NPNT: variants seen among roughly 807,000 people sequenced by gnomAD.
The protein encoded by NPNT is nephronectin, also known as preosteoblast EGF-like repeat protein with MAM domain.
Under a neutral mutation model 68.6 loss-of-function variants are expected in NPNT, and 45 were observed. The ratio of observed to expected loss-of-function variants is 0.66; its 90% CI spans 0.52 to 0.84. The LOEUF is 0.84. Among genes scored for constraint, NPNT ranks in the 40% least tolerant of loss-of-function variants. NPNT has a pLI of 0.00. For synonymous variants in NPNT, 233 were observed against 253.3 expected, an observed-to-expected ratio of 0.92 and a Z score of 0.76; for missense variants, 672 against 714.8, an observed-to-expected ratio of 0.94 and a Z score of 0.68.
chr4:105,958,888 C>T (rs2149401521), intron 9 of NPNT, 140 bp from the exon 10 acceptor site: 1 of 617,296 alleles, frequency 1.6e-6, no homozygotes, highest in Non-Finnish European at 2.9e-6. Context: ...ATGTAATTTC[C>T]CTTTGGTCTT....
In NPNT at chr4:105,895,542, G is replaced by C. The variant is rs571441739; in HGVS notation, c.-111G>C. 1 of 865,468 alleles carries C rather than the reference G, an allele frequency of 1.2e-6. No homozygotes were observed. The highest frequency in any genetic ancestry group is 1.8e-5 in the African/African-American group (1 of 56,152). 53.6% of individuals were successfully genotyped at this position (865,468 alleles called of 1,614,324 possible). ...GAGCGGCAGCAGTAGCCCGGGCGGCGAGGGCTGGGGGTTCCTCGAGACTCT... is the reference window on the plus strand; with the variant it reads ...GAGCGGCAGCAGTAGCCCGGGCGGCCAGGGCTGGGGGTTCCTCGAGACTCT... On this transcript the variant is annotated 5_prime_UTR_variant, in exon 1 of 12. Coordinates refer to ENST00000379987, the MANE Select transcript of NPNT (RefSeq NM_001033047.3).
intron 8 of NPNT, among the ~76,000 whole-genome samples, chr4:105,949,872 GA>G: frequency 6.6e-6 from 1 of 152,234 alleles, no homozygotes; most frequent in East Asian, 1.9e-4. Context: ...AAGTCTGAAA[GA>G]AAAAAGACCA....
In NPNT at chr4:105,930,320, A is replaced by T. The variant is rs556883264; in HGVS notation, c.265+2892A>T. Among the ~76,000 whole-genome samples the T allele has an allele frequency of 3.9e-4, 60 of 152,182 alleles. 1 individual carries two copies. The highest frequency in any genetic ancestry group is 2.5e-4 in the Non-Finnish European group (17 of 68,030). ...TTTCATCTAATGGTTCTTAGTCCTG[A>T]ACACTGTGGAAGCTTGAAAGGGTTC... On this transcript the variant is annotated intron_variant, in intron 3 of 11. Coordinates refer to ENST00000379987, the MANE Select transcript of NPNT (RefSeq NM_001033047.3).
chr4:105,897,267 T>A (rs1480597221), intron 1 of NPNT, among the ~76,000 whole-genome samples: 1 of 152,228 alleles, frequency 6.6e-6, no homozygotes, highest in Non-Finnish European at 1.5e-5. Flanking sequence ...TAAGCACGTT[T>A]CAAACCACAA....
At chr4:105,910,700 A>G (rs1727293290) in intron 2 of NPNT, among the ~76,000 whole-genome samples, 1 of 152,202 alleles carries the variant, frequency 6.6e-6, no homozygotes, top group South Asian at 2.1e-4. Context: ...AAATTAAAAA[A>G]TATAGGACAT....
intron 2 of NPNT, among the ~76,000 whole-genome samples, chr4:105,901,778 A>C (rs999962534): frequency 4.6e-5 from 7 of 152,190 alleles, no homozygotes; most frequent in African/African-American, 2.4e-5. Context: ...ACGTAAAGTG[A>C]AAATTTTGGA....
At chr4:105,919,569 A>G (rs1414742684) in intron 2 of NPNT, among the ~76,000 whole-genome samples, 1 of 152,138 alleles carries the variant, frequency 6.6e-6, no homozygotes, top group Admixed American at 6.6e-5. Flanking sequence ...TAATTGCTTT[A>G]AAACAATTCT....
rs1033123028 is a variant in NPNT, at chr4:105,971,131, C to T, written c.*2141C>T. 11 of 453,400 alleles carry T rather than the reference C, an allele frequency of 2.4e-5. No individual in the cohort carries two copies. The highest frequency in any genetic ancestry group is 1.9e-4 in the Admixed American group (8 of 42,406). The allele number at this position is 453,400 out of a possible 1,614,324, so 28.1% of individuals were successfully genotyped here. ...TTTTTAAGAGATCCTTCAAGGAACA[C>T]AGTTCAGAGAGATTTTCATCGGGTG... On this transcript the variant is annotated 3_prime_UTR_variant, in exon 12 of 12. Transcript: ENST00000379987.
intron 6 of NPNT, 125 bp downstream of exon 6, chr4:105,940,334 C>G: frequency 1.8e-6 from 2 of 1,101,118 alleles, no homozygotes; most frequent in Non-Finnish European, 2.7e-6. Context: ...AACCAACAGA[C>G]ATCCAGTTTA....
chr4:105,945,172 A>G (rs1730281068), intron 8 of NPNT, among the ~76,000 whole-genome samples: 1 of 35,462 alleles, frequency 2.8e-5, no homozygotes, highest in Admixed American at 4.0e-4. Flanking sequence ...TAATTGACAG[A>G]TAATAACAAT....
intron 5 of NPNT, among the ~76,000 whole-genome samples, chr4:105,939,786 G>T (rs1369112357): frequency 6.6e-6 from 1 of 152,126 alleles, no homozygotes; most frequent in Non-Finnish European, 1.5e-5. Context: ...AAAGAGGGTT[G>T]TTTCTAATTC....
At chr4:105,934,373 C>A (rs1347069109) in intron 3 of NPNT, among the ~76,000 whole-genome samples, 1 of 152,146 alleles carries the variant, frequency 6.6e-6, no homozygotes, top group Non-Finnish European at 1.5e-5. Context: ...GGCTTCTCAC[C>A]AGGATGCCAG....
chr4:105,927,123 G>T (rs545466885), intron 2 of NPNT: 7 of 314,460 alleles, frequency 2.2e-5, no homozygotes, highest in Admixed American at 1.4e-4. Flanking sequence ...ATTTTTTTCA[G>T]CCCCAACTGA....
chr4:105,921,681 C>T (rs578192383), intron 2 of NPNT, among the ~76,000 whole-genome samples: 80 of 152,276 alleles, frequency 5.3e-4, no homozygotes, highest in African/African-American at 1.8e-3. Flanking sequence ...TCATGATATG[C>T]AATGGCTCAG....
chr4:105,927,108 T>C (rs1260071633), intron 2 of NPNT: 1 of 296,568 alleles, frequency 3.4e-6, no homozygotes, highest in African/African-American at 2.2e-5. Flanking sequence ...GTCCTTGAAT[T>C]TAAAATTTTT....
intron 2 of NPNT, among the ~76,000 whole-genome samples, chr4:105,920,017 T>C (rs1299592669): frequency 2.0e-5 from 3 of 152,084 alleles, no homozygotes; most frequent in Non-Finnish European, 2.9e-5. Flanking sequence ...TTTTCAAATT[T>C]CGCCGTTCCT....
At chr4:105,905,660 C>G (rs1726829920) in intron 2 of NPNT, among the ~76,000 whole-genome samples, 1 of 152,118 alleles carries the variant, frequency 6.6e-6, no homozygotes, top group South Asian at 2.1e-4. Context: ...TAAAAATCCC[C>G]TATTTATGTA....
chr4:105,895,834 T>A (rs1453044973), intron 1 of NPNT, 111 bp downstream of exon 1: 19 of 959,132 alleles, frequency 2.0e-5, no homozygotes, highest in Non-Finnish European at 2.8e-5. Context: ...GTCTCCTCCA[T>A]CCAGAAGTTG....
chr4:105,944,884 A>G (rs1038318215), intron 8 of NPNT, among the ~76,000 whole-genome samples: 1 of 152,262 alleles, frequency 6.6e-6, no homozygotes, highest in Admixed American at 6.5e-5. Flanking sequence ...TTTTTAATTC[A>G]GGACAAATAA....
Sources: allele counts gnomAD v4.1 joint callset (sites outside exome capture counted in the v4.1 genomes callset), GRCh38; gene constraint gnomAD v4.1.1; transcripts MANE v1.5; gene names NCBI Gene and HGNC (gene_info 2026-07-23, HGNC 2026-07-21).